Variants in KIF2A observed in about 807,000 individuals in gnomAD.
KIF2A encodes the protein kinesin-like protein KIF2A.
A neutral mutation model predicts 100.2 loss-of-function variants in KIF2A; 22 were observed. The observed-to-expected ratio is 0.22, with a 90% CI of 0.16 to 0.31. The LOEUF is 0.31. KIF2A is among the 10% of genes least tolerant of loss of function. KIF2A has a pLI of 1.00. For missense variants in KIF2A, 495 were observed against 898.7 expected (o/e 0.55, Z 5.74); for synonymous variants, 268 against 285.9 (o/e 0.94, Z 0.63).
intron 3 of KIF2A, 35 bp downstream of exon 3, chr5:62,348,202 G>C: frequency 6.2e-7 from 1 of 1,609,354 alleles, no homozygotes; most frequent in African/African-American, 1.3e-5. Context: ...AGGACACTGG[G>C]AGAGAGCGGG....
At chr5:62,342,979 T>G (rs750398053) in intron 1 of KIF2A, among the ~76,000 whole-genome samples, 160 of 152,254 alleles carry the variant, frequency 1.1e-3, no homozygotes, top group African/African-American at 3.6e-3. Context: ...CTTGAACCCC[T>G]GACCTCAAGT....
At position 62,363,679 on chromosome 5, in the gene KIF2A, C is replaced by T; in HGVS notation, c.1263-16C>T. 3 of 1,607,992 alleles carry T rather than the reference C, an allele frequency of 1.9e-6. No homozygotes were observed. The highest frequency in any genetic ancestry group is 2.6e-6 in the Non-Finnish European group (3 of 1,174,948). On this transcript the variant is annotated splice_polypyrimidine_tract_variant and intron_variant, in intron 13 of 20. Transcript: ENST00000407818. ...GAAGTTTTTAATGTATCAAGATGTCCTTAATCACATTGTAGAACATCCGGT... is the reference window on the plus strand; with the variant it reads ...GAAGTTTTTAATGTATCAAGATGTCTTTAATCACATTGTAGAACATCCGGT...
chr5:62,376,094 C>T (rs1741528416), intron 18 of KIF2A, among the ~76,000 whole-genome samples: 1 of 152,146 alleles, frequency 6.6e-6, no homozygotes, highest in Non-Finnish European at 1.5e-5. Context: ...AAGATAAGTA[C>T]TCCCTATACA....
At chr5:62,357,776 T>C (rs372490049) in intron 8 of KIF2A, 31 bp downstream of exon 8, 2 of 1,280,056 alleles carry the variant, frequency 1.6e-6, no homozygotes, top group Non-Finnish European at 2.2e-6. Flanking sequence ...TAATAAAAGA[T>C]TGATTTTATC....
At chr5:62,344,346 C>CAAA (rs56737603) in intron 1 of KIF2A, among the ~76,000 whole-genome samples, 1 of 116,610 alleles carries the variant, frequency 8.6e-6, no homozygotes. Context: ...GACTCCATCT[C>CAAA]AAAAAAAAAA....
At chr5:62,338,939 T>C (rs912960719) in intron 1 of KIF2A, among the ~76,000 whole-genome samples, 1 of 152,216 alleles carries the variant, frequency 6.6e-6, no homozygotes, top group Non-Finnish European at 1.5e-5. Flanking sequence ...CCTCATTAAA[T>C]CAGAGAAATT....
chr5:62,358,800 A>T (rs1458337104), intron 9 of KIF2A, among the ~76,000 whole-genome samples: 1 of 152,104 alleles, frequency 6.6e-6, no homozygotes, highest in African/African-American at 2.4e-5. Context: ...CCTCCTGAGT[A>T]GCTGGGACCA....
At chr5:62,352,008 G>T (rs1025854760) in intron 4 of KIF2A, among the ~76,000 whole-genome samples, 1 of 152,112 alleles carries the variant, frequency 6.6e-6, no homozygotes, top group African/African-American at 2.4e-5. Context: ...ACAAAAATGA[G>T]CCAGGTGTAG....
chr5:62,350,334 T>C (rs1747787382), intron 4 of KIF2A, among the ~76,000 whole-genome samples: 1 of 151,922 alleles, frequency 6.6e-6, no homozygotes, highest in Admixed American at 6.6e-5. Context: ...CTAGAGTACA[T>C]TGGCATGAAC....
At chr5:62,366,520 G>T in intron 16 of KIF2A, 39 bp downstream of exon 16, 1 of 1,162,448 alleles carries the variant, frequency 8.6e-7, no homozygotes, top group East Asian at 2.5e-5. Flanking sequence ...TTTGAGGGGA[G>T]TACAGCAGTA....
At chr5:62,331,130 G>A (rs1392871249) in intron 1 of KIF2A, among the ~76,000 whole-genome samples, 4 of 152,132 alleles carry the variant, frequency 2.6e-5, no homozygotes, top group African/African-American at 9.7e-5. Context: ...TAAAGGTCTA[G>A]GCTGGGCGCA....
chr5:62,360,567 C>A (rs1748353139), intron 9 of KIF2A, among the ~76,000 whole-genome samples: 1 of 152,052 alleles, frequency 6.6e-6, no homozygotes, highest in Admixed American at 6.6e-5. Flanking sequence ...TGCCTGTAAT[C>A]CCAGCTACTC....
rs769461745 is a variant in KIF2A at position 62,350,051 on chromosome 5, T to C, written c.280-15T>C. The C allele has an allele frequency of 8.3e-6, 13 of 1,563,242 alleles. No individual in the cohort carries two copies. In the South Asian group the frequency reaches 1.2e-4, roughly 14 times the overall value. ...TAAAGATAGAAAACATAATGAACAT[T>C]TTTTCCTTTCATAGAATCGACGGAC... On this transcript the variant is annotated splice_polypyrimidine_tract_variant and intron_variant, in intron 3 of 20. Coordinates refer to ENST00000407818, the MANE Select transcript of KIF2A (RefSeq NM_001098511.3).
intron 6 of KIF2A, 26 bp downstream of exon 6, chr5:62,353,401 T>C (rs776462516): frequency 5.0e-6 from 6 of 1,195,018 alleles, no homozygotes; most frequent in Non-Finnish European, 7.0e-6. Context: ...ATATATTTTG[T>C]TTATGTACCA....
intron 1 of KIF2A, among the ~76,000 whole-genome samples, chr5:62,338,632 C>T (rs909430954): frequency 6.6e-6 from 1 of 151,956 alleles, no homozygotes; most frequent in Admixed American, 6.6e-5. Context: ...TTTTAGGGAT[C>T]TCAATCTTAG....
intron 1 of KIF2A, among the ~76,000 whole-genome samples, chr5:62,337,608 G>T (rs1747034766): frequency 6.6e-6 from 1 of 152,108 alleles, no homozygotes; most frequent in Admixed American, 6.6e-5. Context: ...TGATGCAGGG[G>T]AATTGCTTGA....
intron 16 of KIF2A, among the ~76,000 whole-genome samples, chr5:62,369,373 G>A (rs894336102): frequency 6.6e-6 from 1 of 152,176 alleles, no homozygotes; most frequent in Admixed American, 6.5e-5. Flanking sequence ...CAGCAGGAAG[G>A]AGAAGTGCCA....
Position 62,306,376 on chromosome 5 carries a change from A to G in KIF2A, c.-97A>G. 1.0e-6 allele frequency: 1 copy of G among 968,068 alleles called. No individual in the cohort carries two copies. The highest frequency in any genetic ancestry group is 1.6e-6 in the Non-Finnish European group (1 of 641,304). 60.0% of individuals were successfully genotyped at this position (968,068 alleles called of 1,614,324 possible). A position where few individuals can be genotyped will look rare whatever the true frequency, so the allele number is the denominator to read the frequency against. On this transcript the variant is annotated 5_prime_UTR_variant, in exon 1 of 21. Coordinates refer to ENST00000407818, the MANE Select transcript of KIF2A (RefSeq NM_001098511.3). Reference sequence around the variant, plus strand: ...CGCCCGGGCCGGCGCGGCCGCGGGCAACCGCTCCCCCTCCCACACCTACCC... The same window carrying G: ...CGCCCGGGCCGGCGCGGCCGCGGGCGACCGCTCCCCCTCCCACACCTACCC...
chr5:62,312,051 T>C (rs1745577339), intron 1 of KIF2A, among the ~76,000 whole-genome samples: 1 of 152,224 alleles, frequency 6.6e-6, no homozygotes, highest in Admixed American at 6.5e-5. Context: ...GATTATGGTG[T>C]GAAGTTGTAT....
Sources: allele counts gnomAD v4.1 joint callset (sites outside exome capture counted in the v4.1 genomes callset), GRCh38; gene constraint gnomAD v4.1.1; transcripts MANE v1.5; gene names NCBI Gene and HGNC (gene_info 2026-07-23, HGNC 2026-07-21).